The following PARVG variants were observed in gnomAD, a reference collection of about 807,000 sequenced individuals.
PARVG encodes the protein gamma-parvin.
In PARVG, 36 loss-of-function variants were observed where a neutral mutation model predicts 44.4. That is an observed-to-expected ratio of 0.81 (90% CI 0.62 to 1.07). PARVG has a LOEUF of 1.07. PARVG is among the 50% of genes least tolerant of loss of function. The probability of loss-of-function intolerance (pLI) is 0.00; values close to 1 mark genes in which losing one functional copy is unlikely to be tolerated. For synonymous variants in PARVG, 170 were observed against 174.1 expected, an observed-to-expected ratio of 0.98 and a Z score of 0.19; for missense variants, 407 against 407.4, an observed-to-expected ratio of 1.00 and a Z score of 0.01.
intron 7 of PARVG, among the ~76,000 whole-genome samples, chr22:44,191,135 C>T (rs2054542453): frequency 6.6e-6 from 1 of 152,200 alleles, no homozygotes; most frequent in Non-Finnish European, 1.5e-5. Context: ...GGTTTCCCCA[C>T]CCTCAGATGT....
intron 9 of PARVG, among the ~76,000 whole-genome samples, chr22:44,195,497 G>C (rs1043757078): frequency 6.6e-6 from 1 of 152,212 alleles, no homozygotes; most frequent in East Asian, 1.9e-4. Context: ...AATCCAGCTA[G>C]TGCACAAAGG....
intron 10 of PARVG, 29 bp from the exon 11 acceptor site, chr22:44,196,318 G>T: frequency 1.2e-6 from 2 of 1,614,210 alleles, no homozygotes; most frequent in Non-Finnish European, 1.7e-6. Flanking sequence ...CACCTGCTGT[G>T]TGCTAGGCCC....
In PARVG at chr22:44,182,347, G is replaced by A. The variant is rs2054395017; in HGVS notation, c.-13+430G>A. Among the ~76,000 whole-genome samples the A allele has an allele frequency of 6.6e-6, 1 of 152,140 alleles. No homozygotes were observed. Among genetic ancestry groups the A allele is most frequent in the Admixed American group, 6.5e-5 (1 of 15,280 alleles). ...AGCTGGCCTGGGACCCAGGCTTCCT[G>A]ACGCCCAGGCCAGGCTCTTTCGTTT... On this transcript the variant is annotated intron_variant, in intron 2 of 13. Coordinates refer to ENST00000444313, the MANE Select transcript of PARVG (RefSeq NM_022141.7). The surrounding 1 kb of genome is among the most constrained non-coding windows in gnomAD (Gnocchi z 4.6).
intron 1 of PARVG, among the ~76,000 whole-genome samples, chr22:44,173,560 A>G (rs2054291106): frequency 1.3e-5 from 2 of 152,130 alleles, no homozygotes; most frequent in African/African-American, 4.8e-5. Context: ...TAAGCTAAAA[A>G]TTATAAACTG....
chr22:44,206,277 C>A, intron 13 of PARVG, 40 bp from the exon 14 acceptor site: 1 of 1,481,158 alleles, frequency 6.8e-7, no homozygotes, highest in Non-Finnish European at 9.4e-7. Context: ...TCACTGCCAC[C>A]CAGGCCTGAC....
chr22:44,190,423 G>C (rs1470178074), intron 6 of PARVG, 128 bp from the exon 7 acceptor site: 12 of 678,524 alleles, frequency 1.8e-5, no homozygotes, highest in Non-Finnish European at 2.9e-5. Context: ...CCAGATCTCT[G>C]CTCTCCAGAA....
rs2054558365 is a variant in PARVG at position 44,192,254 on chromosome 22, C to A, written c.560+150C>A. ...CTCAGACCCGAAAATGCTGCGCTGA[C>A]CTCTCAATCCCACGGCAGCACACAG... On this transcript the variant is annotated intron_variant, in intron 8 of 13. Coordinates refer to ENST00000444313, the MANE Select transcript of PARVG (RefSeq NM_022141.7). The A allele has an allele frequency of 1.5e-5, 12 of 814,826 alleles. No individual in the cohort carries two copies. The South Asian group carries it at 2.0e-4, about 14-fold the overall frequency. The allele number at this position is 814,826 out of a possible 1,614,324, so 50.5% of individuals were successfully genotyped here. A position where few individuals can be genotyped will look rare whatever the true frequency, so the allele number is the denominator to read the frequency against.
At chr22:44,194,825 T>TCATC (rs1232053535) in intron 9 of PARVG, among the ~76,000 whole-genome samples, 7 of 144,730 alleles carry the variant, frequency 4.8e-5, no homozygotes, top group East Asian at 4.1e-4. Context: ...ATCCATATAT[T>TCATC]CATCCATCCA....
At chr22:44,206,282 C>A in intron 13 of PARVG, 35 bp from the exon 14 acceptor site, 2 of 1,518,538 alleles carry the variant, frequency 1.3e-6, no homozygotes, top group Non-Finnish European at 1.8e-6. Flanking sequence ...GCCACCCAGG[C>A]CTGACTGGCT....
At position 44,188,789 on chromosome 22, in the gene PARVG, A is replaced by G; in HGVS notation, c.248-325A>G. The G allele has an allele frequency of 8.1e-6, 3 of 368,640 alleles. No individual in the cohort carries two copies. In the South Asian group the frequency reaches 1.0e-4, roughly 12 times the overall value. 22.8% of individuals were successfully genotyped at this position (368,640 alleles called of 1,614,324 possible). A position where few individuals can be genotyped will look rare whatever the true frequency, so the allele number is the denominator to read the frequency against. On this transcript the variant is annotated intron_variant, in intron 5 of 13. Transcript: ENST00000444313. ...TGCCCTGCAGAGATGAAGTGGACAC[A>G]GCTGTGCAGAAGGGCAGGGGCTGCA...
chr22:44,196,886 G>A (rs148255306), intron 11 of PARVG, among the ~76,000 whole-genome samples: 2 of 152,170 alleles, frequency 1.3e-5, no homozygotes, highest in Non-Finnish European at 1.5e-5. Flanking sequence ...GACTTAAGTC[G>A]AATTTTCCCA....
upstream of PARVG, chr22:44,180,817 C>T (rs962720670): frequency 1.8e-6 from 1 of 554,478 alleles, no homozygotes; most frequent in African/African-American, 2.1e-5. Context: ...CACCTGCATC[C>T]CACCTGATTT....
intron 9 of PARVG, among the ~76,000 whole-genome samples, chr22:44,194,295 T>C (rs1288907956): frequency 2.0e-5 from 3 of 152,250 alleles, no homozygotes; most frequent in African/African-American, 7.2e-5. Context: ...TGGGCAATAA[T>C]GTGGCTTCTG....
rs181459861 is a variant in PARVG at position 44,205,849 on chromosome 22, C to A, written c.886+20C>A. ...CTGAAGGTGAGTGCAAGGCAGATGC[C>A]CACACGGTGGCCAGCCCTGGGTGGC... On this transcript the variant is annotated intron_variant, in intron 13 of 13. Transcript: ENST00000444313. 1 of 1,610,880 alleles carries A rather than the reference C, an allele frequency of 6.2e-7. No homozygotes were observed.
chr22:44,175,434 G>C (rs527992887), intron 1 of PARVG, among the ~76,000 whole-genome samples: 1 of 152,252 alleles, frequency 6.6e-6, no homozygotes. Context: ...CCGCAGGGAC[G>C]GGCATCTCTG....
chr22:44,187,784 G>A lies in PARVG; in HGVS notation c.153G>A (p.Met51Ile), dbSNP rs1333799307. ...PKFEELQKVL[M>I]EWINATLLPE... Reference sequence around the variant, plus strand: ...CCCCTTGGAGCCTGCAGGTGTTGATGGAGTGGATCAATGCCACTCTTCTCC... The same window carrying A: ...CCCCTTGGAGCCTGCAGGTGTTGATAGAGTGGATCAATGCCACTCTTCTCC... The change falls in exon 5 of 14, where the codon ATG becomes ATA. Residue 51 changes from methionine to isoleucine, a missense_variant. Physicochemically the swap from Met to Ile is conservative, Grantham distance 10 (BLOSUM62 1). Coordinates refer to ENST00000444313, the MANE Select transcript of PARVG (RefSeq NM_022141.7). The A allele has an allele frequency of 6.2e-7, 1 of 1,614,212 alleles. No individual in the cohort carries two copies.
chr22:44,196,209 A>C lies in PARVG; in HGVS notation c.638A>C (p.Lys213Thr), dbSNP rs900559910. Residue 213 changes from lysine to threonine, a missense_variant, in exon 10 of 14, where the codon AAA (lysine) becomes ACA (threonine). By Grantham distance (78) the Lys-to-Thr change is moderately conservative (BLOSUM62 -1). Transcript: ENST00000444313. ...KLAPEKVNAV[K>T]EAIVNFVNQK... ...GCTCCGGAGAAAGTGAACGCAGTGA[A>C]AGAGGTAGGAGAGATCAAAGCTCTC... 1.9e-6 allele frequency: 3 copies of C among 1,614,102 alleles called. No individual in the cohort carries two copies. In the African/African-American group the frequency reaches 4.0e-5, roughly 22 times the overall value.
intron 9 of PARVG, 119 bp downstream of exon 9, chr22:44,193,942 T>A: frequency 7.7e-7 from 1 of 1,301,920 alleles, no homozygotes; most frequent in Non-Finnish European, 1.1e-6. Context: ...TTGCTGTTTG[T>A]ATCTCAAGCC....
intron 1 of PARVG, chr22:44,173,339 A>T: frequency 3.0e-6 from 2 of 660,066 alleles, no homozygotes; most frequent in South Asian, 3.9e-5. Flanking sequence ...CATGCTGACC[A>T]GTAAGTGACC....
Sources: allele counts gnomAD v4.1 joint callset (sites outside exome capture counted in the v4.1 genomes callset), GRCh38; gene constraint gnomAD v4.1.1; non-coding constraint Gnocchi (gnomAD v3.1); transcripts MANE v1.5; gene names NCBI Gene and HGNC (gene_info 2026-07-23, HGNC 2026-07-21).